Variants in GCNT1 observed in about 807,000 individuals in gnomAD.
The protein encoded by GCNT1 is glucosaminyl (N-acetyl) transferase 1.
In GCNT1, 16 loss-of-function variants were observed where a neutral mutation model predicts 26.2. The ratio of observed to expected loss-of-function variants is 0.61; its 90% CI spans 0.41 to 0.93. The LOEUF is 0.93. GCNT1 is among the 40% of genes least tolerant of loss of function. The pLI is 0.00. For missense variants in GCNT1, 477 were observed against 526.7 expected, an observed-to-expected ratio of 0.91 and a Z score of 0.92; for synonymous variants, 183 against 190.8, an observed-to-expected ratio of 0.96 and a Z score of 0.34.
chr9:76,425,049 G>A (rs1183296056), intron 1 of GCNT1, among the ~76,000 whole-genome samples: 1 of 146,798 alleles, frequency 6.8e-6, no homozygotes, highest in Non-Finnish European at 1.5e-5. Context: ...TGAGGCAGGA[G>A]AATGGCGTGA....
the GCNT1 span, among the ~76,000 whole-genome samples, chr9:76,397,393 C>T: frequency 1.3e-5 from 2 of 150,844 alleles, no homozygotes; most frequent in African/African-American, 4.9e-5. Flanking sequence ...ATTTACATGT[C>T]AAGTCATATG....
At chr9:76,482,756 C>T (rs1175464586) in intron 2 of GCNT1, among the ~76,000 whole-genome samples, 1 of 151,782 alleles carries the variant, frequency 6.6e-6, no homozygotes, top group African/African-American at 2.4e-5. Context: ...GTGATCCTCC[C>T]ACCTCAGCCT....
chr9:76,399,443 T>G, the GCNT1 span: 1 of 1,551,874 alleles, frequency 6.4e-7, no homozygotes, highest in Non-Finnish European at 8.8e-7. Context: ...TGCAGACTGG[T>G]CTGAAGGTGT....
At chr9:76,412,025 AT>A in the GCNT1 span, among the ~76,000 whole-genome samples, 7 of 152,170 alleles carry the variant, frequency 4.6e-5, no homozygotes, top group Non-Finnish European at 8.8e-5. Flanking sequence ...TTAAAAAATA[AT>A]TTTTTGGTTG....
chr9:76,452,425 T>TTG (rs1234063416), intron 1 of GCNT1, among the ~76,000 whole-genome samples: 1 of 152,230 alleles, frequency 6.6e-6, no homozygotes, highest in African/African-American at 2.4e-5. Flanking sequence ...TAGACCATTC[T>TTG]TGTATCGCTA....
the GCNT1 span, among the ~76,000 whole-genome samples, chr9:76,397,213 C>T: frequency 1.3e-5 from 2 of 151,884 alleles, no homozygotes; most frequent in Admixed American, 6.6e-5. Context: ...ACCCAGGAGG[C>T]GGAGGTTGCT....
In GCNT1 at chr9:76,450,333, T is replaced by C. The variant is rs530852676; in HGVS notation, c.-290+8018T>C. Among the ~76,000 whole-genome samples the C allele has an allele frequency of 2.0e-5, 3 of 152,370 alleles. No individual in the cohort carries two copies. The East Asian group carries it at 5.8e-4, about 29-fold the overall frequency. The stretch of plus-strand genomic sequence containing the variant: ...ACAGATGTGCACTTTTATATTTGTA[T>C]GAGTCATGATTTTATCTTTCTCTGA... On this transcript the variant is annotated intron_variant, in intron 1 of 2. Coordinates refer to the GCNT1 transcript ENST00000442371.
chr9:76,470,838 G>T (rs1042779156), intron 2 of GCNT1, among the ~76,000 whole-genome samples: 6 of 152,094 alleles, frequency 3.9e-5, no homozygotes, highest in Non-Finnish European at 8.8e-5. Context: ...CCAAGATTCA[G>T]CGGGGGTCAG....
intron 2 of GCNT1, among the ~76,000 whole-genome samples, chr9:76,496,851 G>A (rs1003430649): frequency 6.6e-6 from 1 of 151,964 alleles, no homozygotes; most frequent in Admixed American, 6.6e-5. Context: ...TAGGTTATGC[G>A]ATCTACTTAA....
upstream of GCNT1, among the ~76,000 whole-genome samples, chr9:76,454,363 G>A (rs1166015130): frequency 9.2e-6 from 1 of 108,740 alleles, no homozygotes; most frequent in African/African-American, 3.5e-5. Context: ...TGGGCAACAA[G>A]AGCGAAACTC....
chr9:76,492,306 C>T (rs1417457547), intron 2 of GCNT1, among the ~76,000 whole-genome samples: 1 of 152,126 alleles, frequency 6.6e-6, no homozygotes, highest in African/African-American at 2.4e-5. Flanking sequence ...ATGTCCCTCC[C>T]TAATAAAGGT....
chr9:76,436,140 T>C (rs1034844036), intron 1 of GCNT1, among the ~76,000 whole-genome samples: 2 of 151,676 alleles, frequency 1.3e-5, no homozygotes, highest in African/African-American at 2.4e-5. Context: ...TTAGTAGATA[T>C]GGGGTTTCAC....
chr9:76,487,971 C>T (rs1428699226), intron 2 of GCNT1, among the ~76,000 whole-genome samples: 3 of 152,136 alleles, frequency 2.0e-5, no homozygotes, highest in Non-Finnish European at 4.4e-5. Flanking sequence ...TAGGCTCAGG[C>T]GATCCACTCG....
At chr9:76,476,517 C>A (rs1178277833) in intron 2 of GCNT1, among the ~76,000 whole-genome samples, 1 of 150,948 alleles carries the variant, frequency 6.6e-6, no homozygotes, top group Admixed American at 6.6e-5. Context: ...TCATTTTTGG[C>A]CTGCAATGAT....
the GCNT1 span, chr9:76,393,877 C>T: frequency 3.6e-6 from 2 of 553,886 alleles, no homozygotes; most frequent in Admixed American, 3.4e-5. Context: ...CCCTCAACCC[C>T]GTCCCCGCGG....
At chr9:76,447,456 G>C (rs557592480) in intron 1 of GCNT1, among the ~76,000 whole-genome samples, 89 of 152,036 alleles carry the variant, frequency 5.9e-4, no homozygotes, top group Admixed American at 3.2e-3. Context: ...TGTTGCCCAG[G>C]CTGGTCTTAA....
chr9:76,497,763 C>CA (rs921214078), intron 2 of GCNT1, among the ~76,000 whole-genome samples: 19 of 151,348 alleles, frequency 1.3e-4, no homozygotes, highest in Non-Finnish European at 1.2e-4. Flanking sequence ...CTGTTTAAAA[C>CA]AAAAAAAAAC....
chr9:76,474,008 A>G (rs1824199588), intron 2 of GCNT1, among the ~76,000 whole-genome samples: 1 of 152,194 alleles, frequency 6.6e-6, no homozygotes, highest in South Asian at 2.1e-4. Context: ...CTGAGGTAGA[A>G]GGATCGCTTT....
At chr9:76,452,560 G>GCAACAA (rs1823688517) in intron 1 of GCNT1, among the ~76,000 whole-genome samples, 3 of 152,134 alleles carry the variant, frequency 2.0e-5, no homozygotes, top group Non-Finnish European at 2.9e-5. Context: ...GATGCAAGTT[G>GCAACAA]AAGGGGAAGC....
Sources: gnomAD v4.1 joint callset for allele counts (sites outside exome capture counted in the v4.1 genomes callset) on GRCh38, gnomAD v4.1.1 for gene constraint, MANE v1.5 for transcripts, NCBI Gene and HGNC (gene_info 2026-07-23, HGNC 2026-07-21) for gene names.